The following RAB10 variants were observed in gnomAD, a reference collection of about 807,000 sequenced individuals.
RAB10 encodes ras-related protein Rab-10.
Under a neutral mutation model 25.7 loss-of-function variants are expected in RAB10, and 5 were observed. The ratio of observed to expected loss-of-function variants is 0.19; its 90% CI spans 0.10 to 0.41. The LOEUF (loss-of-function observed/expected upper bound fraction) is 0.41. Ranked by LOEUF, RAB10 falls within the 10% of genes least tolerant of loss-of-function variation. The pLI, the probability that RAB10 is intolerant of heterozygous loss-of-function variation, is 1.00. For synonymous variants in RAB10, 89 were observed against 86.4 expected (o/e 1.03, Z -0.16); for missense variants, 103 against 245.8 (o/e 0.42, Z 3.89).
intron 2 of RAB10, among the ~76,000 whole-genome samples, chr2:26,099,434 CTT>C (rs1004804257): frequency 9.9e-5 from 15 of 151,750 alleles, no homozygotes; most frequent in African/African-American, 3.6e-4. Context: ...CCTCAAGCCT[CTT>C]TGTGATCTTT....
chr2:26,074,840 C>T (rs985880600), intron 1 of RAB10, among the ~76,000 whole-genome samples: 4 of 152,180 alleles, frequency 2.6e-5, no homozygotes, highest in African/African-American at 7.2e-5. Context: ...CTTCTGCCTT[C>T]GTTTTTCTCA....
rs555881048 is a variant in RAB10 at position 26,045,674 on chromosome 2, A to G, written c.127+10939A>G. On this transcript the variant is annotated intron_variant, in intron 1 of 5. Coordinates refer to ENST00000264710, the MANE Select transcript of RAB10 (RefSeq NM_016131.5). Reference sequence around the variant, plus strand: ...AAAATATAAATTGTATGATTAGCTGAAGAGATTTGCCTGGGAAAACTGTTT... The same window carrying G: ...AAAATATAAATTGTATGATTAGCTGGAGAGATTTGCCTGGGAAAACTGTTT... Among the ~76,000 whole-genome samples, 4 of 152,342 alleles carry G rather than the reference A, an allele frequency of 2.6e-5. No homozygotes were observed. In the East Asian group the frequency reaches 7.7e-4, roughly 29 times the overall value.
intron 1 of RAB10, among the ~76,000 whole-genome samples, chr2:26,057,024 C>T (rs560659415): frequency 2.0e-5 from 3 of 152,234 alleles, no homozygotes; most frequent in South Asian, 4.1e-4. Context: ...CTCTATGCCA[C>T]GTATTTCTGG....
chr2:26,134,968 G>T lies in RAB10; in HGVS notation c.550G>T (p.Val184Leu). 6.2e-7 allele frequency: 1 copy of T among 1,613,808 alleles called. No individual in the cohort carries two copies. Among genetic ancestry groups the T allele is most frequent in the Middle Eastern group, 1.7e-4 (1 of 6,058 alleles). ...TGTAAAAGAGCCCAACAGTGAAAAT[G>T]TAGATATCAGCAGTGGAGGAGGCGT... is the stretch of plus-strand genomic sequence containing the variant. The part of the protein sequence containing the change: ...TPVKEPNSEN[V>L]DISSGGGVTG... Residue 184 changes from valine to leucine, a missense_variant, in exon 6 of 6, where the codon GTA becomes TTA. This residue lies in a region of RAB10 where 24 missense variants were observed against 28.0 expected (regional missense o/e 0.86). Transcript: ENST00000264710.
chr2:26,115,622 T>C (rs1017780601), intron 3 of RAB10, among the ~76,000 whole-genome samples: 3 of 152,270 alleles, frequency 2.0e-5, no homozygotes. Flanking sequence ...TACAGGTTTA[T>C]AGGGGAGTGA....
intron 1 of RAB10, among the ~76,000 whole-genome samples, chr2:26,051,800 G>C (rs1417975812): frequency 2.0e-5 from 3 of 151,492 alleles, no homozygotes; most frequent in Admixed American, 6.6e-5. Context: ...GTTCACGCCT[G>C]TAATCCCAGC....
intron 1 of RAB10, among the ~76,000 whole-genome samples, chr2:26,085,794 C>T (rs918496853): frequency 5.9e-5 from 9 of 151,554 alleles, no homozygotes; most frequent in Admixed American, 4.6e-4. Context: ...GTCGAGAGTT[C>T]GAGACCAGCC....
At chr2:26,083,235 CTG>C (rs1666904894) in intron 1 of RAB10, among the ~76,000 whole-genome samples, 1 of 152,140 alleles carries the variant, frequency 6.6e-6, no homozygotes, top group Admixed American at 6.5e-5. Context: ...TTTATTTAGA[CTG>C]TGTTGTTATA....
chr2:26,107,550 CT>C (rs541261799), intron 2 of RAB10, among the ~76,000 whole-genome samples: 126 of 152,196 alleles, frequency 8.3e-4, no homozygotes, highest in African/African-American at 2.9e-3. Flanking sequence ...AATCCCAGCA[CT>C]TTGGGAGGCT....
At chr2:26,038,353 C>T (rs370136678) in intron 1 of RAB10, among the ~76,000 whole-genome samples, 2 of 151,730 alleles carry the variant, frequency 1.3e-5, no homozygotes, top group Admixed American at 6.6e-5. Context: ...CGCACCACCA[C>T]GCCTGGCCAA....
intron 1 of RAB10, among the ~76,000 whole-genome samples, chr2:26,054,214 AT>A (rs1243071462): frequency 3.2e-4 from 45 of 138,690 alleles, no homozygotes; most frequent in Admixed American, 5.1e-4. Context: ...CGCCCACCTA[AT>A]TTTTTTTTTT....
intron 1 of RAB10, among the ~76,000 whole-genome samples, chr2:26,076,033 T>C (rs1221345538): frequency 2.0e-5 from 3 of 152,032 alleles, no homozygotes; most frequent in Non-Finnish European, 4.4e-5. Flanking sequence ...GGCAAAGGGA[T>C]GGATTGGGAG....
intron 1 of RAB10, among the ~76,000 whole-genome samples, chr2:26,084,990 A>T (rs1292185294): frequency 6.6e-6 from 1 of 152,170 alleles, no homozygotes; most frequent in Non-Finnish European, 1.5e-5. Flanking sequence ...CCCCAGTTAC[A>T]ACTAGTCTCT....
At position 26,126,413 on chromosome 2, in the gene RAB10, C is replaced by T. The variant is rs909684269; in HGVS notation, c.328-731C>T. Among the ~76,000 whole-genome samples the T allele has an allele frequency of 3.3e-5, 5 of 152,194 alleles. No individual in the cohort carries two copies. In the East Asian group the frequency reaches 9.7e-4, roughly 29 times the overall value. On this transcript the variant is annotated intron_variant, in intron 3 of 5. Transcript: ENST00000264710. ...GCCAACATGGCAAAACCCCCCATCT[C>T]TACCAGAAAACTACAAAAATTAGCT...
intron 1 of RAB10, among the ~76,000 whole-genome samples, chr2:26,058,531 AG>A (rs1202248246): frequency 6.6e-6 from 1 of 152,002 alleles, no homozygotes; most frequent in African/African-American, 2.4e-5. Flanking sequence ...CTAAGTAGCT[AG>A]GATTACAGAT....
chr2:26,041,571 G>A (rs1031537107), intron 1 of RAB10, among the ~76,000 whole-genome samples: 2 of 132,266 alleles, frequency 1.5e-5, no homozygotes, highest in African/African-American at 2.9e-5. Flanking sequence ...AAAAAAGAAT[G>A]TTAGCTGTTT....
intron 1 of RAB10, among the ~76,000 whole-genome samples, chr2:26,096,033 T>C (rs1434946348): frequency 6.6e-6 from 1 of 152,212 alleles, no homozygotes; most frequent in Non-Finnish European, 1.5e-5. Context: ...ATTTCTGGTG[T>C]ACAGCAATTT....
chr2:26,043,629 C>T (rs1665937218), intron 1 of RAB10, among the ~76,000 whole-genome samples: 1 of 152,190 alleles, frequency 6.6e-6, no homozygotes, highest in South Asian at 2.1e-4. Context: ...ATGGATACGC[C>T]TTGAAAATAG....
At chr2:26,134,715 T>C (rs1668074127) in intron 5 of RAB10, among the ~76,000 whole-genome samples, 1 of 152,200 alleles carries the variant, frequency 6.6e-6, no homozygotes, top group Non-Finnish European at 1.5e-5. Flanking sequence ...TATAAAGGCA[T>C]GCCAGGAAAT....
Sources: allele counts gnomAD v4.1 joint callset (sites outside exome capture counted in the v4.1 genomes callset), GRCh38; gene constraint gnomAD v4.1.1; regional missense constraint gnomAD v4.1.1; transcripts MANE v1.5; gene names NCBI Gene and HGNC (gene_info 2026-07-23, HGNC 2026-07-21).